CTTN: variants seen among roughly 807,000 people sequenced by gnomAD.
CTTN encodes the protein src substrate cortactin.
In CTTN, 28 loss-of-function variants were observed where a neutral mutation model predicts 84.0. The ratio of observed to expected loss-of-function variants is 0.33; its 90% CI spans 0.25 to 0.46. The LOEUF (loss-of-function observed/expected upper bound fraction) is 0.46, where lower values mean the gene tolerates loss of function less well. Among genes scored for constraint, CTTN ranks in the 20% least tolerant of loss-of-function variants. The pLI, the probability that CTTN is intolerant of heterozygous loss-of-function variation, is 1.00. For missense variants in CTTN, 641 were observed against 723.8 expected, an observed-to-expected ratio of 0.89 and a Z score of 1.31; for synonymous variants, 301 against 288.8, an observed-to-expected ratio of 1.04 and a Z score of -0.43.
chr11:70,413,438 G>C (rs899030781), intron 5 of CTTN, among the ~76,000 whole-genome samples: 1 of 152,228 alleles, frequency 6.6e-6, no homozygotes, highest in African/African-American at 2.4e-5. Context: ...TGAGGTAGGA[G>C]ATCTTTTCCA....
intron 1 of CTTN, among the ~76,000 whole-genome samples, chr11:70,403,024 T>C: frequency 6.6e-6 from 1 of 152,200 alleles, no homozygotes; most frequent in Non-Finnish European, 1.5e-5. Context: ...TGGGTTCTCA[T>C]TGCAGTTTTG....
In CTTN at chr11:70,435,959, T is replaced by G. The variant is rs2058413422; in HGVS notation, c.*797T>G. 7.0e-7 allele frequency: 1 copy of G among 1,433,472 alleles called. No homozygotes were observed. Among genetic ancestry groups the G allele is most frequent in the Admixed American group, 2.9e-5 (1 of 34,140 alleles). The allele number at this position is 1,433,472 out of a possible 1,614,324, so 88.8% of individuals were successfully genotyped here. A position where few individuals can be genotyped will look rare whatever the true frequency, so the allele number is the denominator to read the frequency against. On this transcript the variant is annotated 3_prime_UTR_variant, in exon 18 of 18. Transcript: ENST00000301843. ...AGTTGAGGTCTGCGTCGGGCTTGGC[T>G]TTTCACAAAGGCTGATGTCTTAACT... is the stretch of plus-strand genomic sequence containing the variant.
At chr11:70,409,993 C>G in intron 5 of CTTN, 33 bp downstream of exon 5, 2 of 1,613,080 alleles carry the variant, frequency 1.2e-6, no homozygotes, top group Non-Finnish European at 8.5e-7. Context: ...TGCCAGGCTC[C>G]TGGTGTGCTT....
At chr11:70,426,472 C>G (rs1332555216) in intron 13 of CTTN, among the ~76,000 whole-genome samples, 2 of 151,822 alleles carry the variant, frequency 1.3e-5, no homozygotes, top group Non-Finnish European at 2.9e-5. Context: ...GAGACCGGGT[C>G]TTGCTGTGTC....
At position 70,436,375 on chromosome 11, in the gene CTTN, A is replaced by G. The variant is rs1342656893; in HGVS notation, c.*1213A>G. 1 of 1,598,316 alleles carries G rather than the reference A, an allele frequency of 6.3e-7. No individual in the cohort carries two copies. The highest frequency in any genetic ancestry group is 8.5e-7 in the Non-Finnish European group (1 of 1,179,794). On this transcript the variant is annotated 3_prime_UTR_variant, in exon 18 of 18. Coordinates refer to ENST00000301843, the MANE Select transcript of CTTN (RefSeq NM_005231.4). The stretch of plus-strand genomic sequence containing the variant: ...TGTCTTTCCAGAAGGTCACGTGGAA[A>G]TGTCTCGGGACTTGGGTCCCGGAGT...
At chr11:70,415,778 C>T (rs1016338124) in intron 7 of CTTN, 61 bp downstream of exon 7, 1 of 1,526,892 alleles carries the variant, frequency 6.5e-7, no homozygotes, top group African/African-American at 1.4e-5. Context: ...AGAGTCACAG[C>T]CACCTGAAGC....
At chr11:70,421,085 G>A (rs773729807) in intron 10 of CTTN, among the ~76,000 whole-genome samples, 2 of 152,214 alleles carry the variant, frequency 1.3e-5, no homozygotes, top group South Asian at 2.1e-4. Context: ...AAGCAGGAGC[G>A]GGGCTAATGG....
intron 11 of CTTN, 88 bp from the exon 12 acceptor site, chr11:70,422,852 C>A: frequency 3.8e-6 from 6 of 1,598,134 alleles, no homozygotes; most frequent in Non-Finnish European, 5.1e-6. Context: ...CCTTCTTGGG[C>A]TGTTTCTGGA....
At chr11:70,402,156 GA>G (rs367543854) in intron 1 of CTTN, among the ~76,000 whole-genome samples, 7 of 151,108 alleles carry the variant, frequency 4.6e-5, no homozygotes, top group Non-Finnish European at 7.4e-5. Flanking sequence ...GTCTGAAAAA[GA>G]AAAAAAAAGT....
rs1392833481 is a variant in CTTN at position 70,414,758 on chromosome 11, G to A, written c.402+106G>A. 16 of 767,116 alleles carry A rather than the reference G, an allele frequency of 2.1e-5. No homozygotes were observed. In the African/African-American group the frequency reaches 2.4e-4, roughly 11 times the overall value. The allele number at this position is 767,116 out of a possible 1,614,324, so 47.5% of individuals were successfully genotyped here. A position where few individuals can be genotyped will look rare whatever the true frequency, so the allele number is the denominator to read the frequency against. On this transcript the variant is annotated intron_variant, in intron 6 of 17. Coordinates refer to ENST00000301843, the MANE Select transcript of CTTN (RefSeq NM_005231.4). ...TGTAGTAGCAGGCAGGTGCCCTCCA[G>A]CTCTGGGGGACTGCAGAGAGGGGCA...
chr11:70,402,106 TCG>T (rs1475796003), intron 1 of CTTN, among the ~76,000 whole-genome samples: 1 of 152,132 alleles, frequency 6.6e-6, no homozygotes, highest in Non-Finnish European at 1.5e-5. Context: ...TGAGCCGAGA[TCG>T]CGCTGTTGCA....
At chr11:70,432,504 A>G (rs2058364282) in intron 15 of CTTN, among the ~76,000 whole-genome samples, 1 of 152,246 alleles carries the variant, frequency 6.6e-6, no homozygotes, top group African/African-American at 2.4e-5. Flanking sequence ...GATTAAAGCC[A>G]CTGTCGGTGA....
chr11:70,428,023 C>G (rs1351347760), intron 13 of CTTN, among the ~76,000 whole-genome samples: 2 of 152,222 alleles, frequency 1.3e-5, no homozygotes, highest in African/African-American at 2.4e-5. Context: ...GTTGTTATTT[C>G]AGGGAAAAAC....
chr11:70,416,868 C>T, intron 7 of CTTN, 145 bp from the exon 8 acceptor site: 1 of 665,150 alleles, frequency 1.5e-6, no homozygotes. Context: ...CTGTATGGAG[C>T]AGTGGGTGGC....
chr11:70,399,713 A>G (rs1039871844), intron 1 of CTTN, among the ~76,000 whole-genome samples: 2 of 152,132 alleles, frequency 1.3e-5, no homozygotes, highest in African/African-American at 4.8e-5. Flanking sequence ...TCCCGCTGGA[A>G]TCTGTGGACG....
intron 7 of CTTN, chr11:70,416,731 C>T (rs1331642814): frequency 3.0e-6 from 1 of 334,542 alleles, no homozygotes; most frequent in Non-Finnish European, 5.6e-6. Flanking sequence ...CAGCTTTTAC[C>T]TGAGCAGTTG....
chr11:70,430,341 A>G (rs1396579690), intron 14 of CTTN, among the ~76,000 whole-genome samples: 1 of 152,226 alleles, frequency 6.6e-6, no homozygotes, highest in Non-Finnish European at 1.5e-5. Context: ...TGCCGTAGTC[A>G]CCACCACACA....
chr11:70,408,248 C>G (rs1275141872), intron 4 of CTTN: 1 of 152,242 alleles, frequency 6.6e-6, no homozygotes, highest in Non-Finnish European at 1.5e-5. Context: ...GAAGGCAGCA[C>G]CACTGACCCG....
chr11:70,409,900 A>G lies in CTTN; in HGVS notation c.231A>G (p.Gly77=). 6.2e-7 allele frequency: 1 copy of G among 1,614,098 alleles called. No homozygotes were observed. The highest frequency in any genetic ancestry group is 8.5e-7 in the Non-Finnish European group (1 of 1,179,992). The stretch of plus-strand genomic sequence containing the variant: ...TTAAGGAGAAGGAACTTGAAACAGG[A>G]CCAAAAGCTTCCCATGGCTATGGAG... ...QTLKEKELET[G]PKASHGYGGK... The change falls in exon 5 of 18, where the codon GGA becomes GGG. Residue 77 remains glycine (G), a synonymous_variant. Transcript: ENST00000301843.
Sources: gnomAD v4.1 joint callset for allele counts (sites outside exome capture counted in the v4.1 genomes callset) on GRCh38, gnomAD v4.1.1 for gene constraint, MANE v1.5 for transcripts, NCBI Gene and HGNC (gene_info 2026-07-23, HGNC 2026-07-21) for gene names.